The following OPA3 variants were observed in gnomAD, a reference collection of about 807,000 sequenced individuals.
OPA3 encodes optic atrophy 3 protein.
A neutral mutation model predicts 4.0 loss-of-function variants in OPA3; 6 were observed. That is an observed-to-expected ratio of 1.51 (90% CI 0.83 to 2.99). The LOEUF is 2.99. Ranked by LOEUF, OPA3 falls within the 30% of genes most tolerant of loss-of-function variation. OPA3 has a pLI of 0.00. For missense variants in OPA3, 235 were observed against 256.2 expected (o/e 0.92, Z 0.56); for synonymous variants, 105 against 117.1 (o/e 0.90, Z 0.67).
At chr19:45,580,153 CG>C (rs1969828817) in intron 1 of OPA3, among the ~76,000 whole-genome samples, 2 of 150,432 alleles carry the variant, frequency 1.3e-5, no homozygotes, top group African/African-American at 2.4e-5. Flanking sequence ...CGTGCCACCA[CG>C]CCCAGCTAAT....
At chr19:45,540,529 G>A (rs1483571179) in intron 1 of OPA3, among the ~76,000 whole-genome samples, 1 of 141,290 alleles carries the variant, frequency 7.1e-6, no homozygotes, top group South Asian at 2.3e-4. Context: ...CCACTGCACT[G>A]CAGCCTGGGT....
At chr19:45,545,710 C>CTTTT (rs991429583), downstream of OPA3, among the ~76,000 whole-genome samples, 3 of 129,532 alleles carry the variant, frequency 2.3e-5, no homozygotes, top group Non-Finnish European at 5.0e-5. Context: ...ACATGCTTTT[C>CTTTT]TTTTTTTTTT....
intron 1 of OPA3, among the ~76,000 whole-genome samples, chr19:45,531,755 G>A (rs1386403926): frequency 2.0e-5 from 3 of 152,280 alleles, no homozygotes; most frequent in Non-Finnish European, 4.4e-5. Context: ...CTGGTTCCAC[G>A]ATGTGTAAAG....
chr19:45,570,559 C>G (rs1262286482), intron 1 of OPA3, among the ~76,000 whole-genome samples: 1 of 152,084 alleles, frequency 6.6e-6, no homozygotes, highest in Non-Finnish European at 1.5e-5. Context: ...TAATGGCACA[C>G]CCCTGTAATC....
chr19:45,574,705 G>A (rs1389703355), intron 1 of OPA3, among the ~76,000 whole-genome samples: 1 of 152,206 alleles, frequency 6.6e-6, no homozygotes, highest in African/African-American at 2.4e-5. Flanking sequence ...ATCACACCCT[G>A]TGCAGTTCTT....
chr19:45,548,071 T>C lies in OPA3; in HGVS notation c.*5443A>G, dbSNP rs531507176. On this transcript the variant is annotated 3_prime_UTR_variant, in exon 2 of 2. Transcript: ENST00000263275. ...GTGAGGGCCTCTGCTTGCTCCCAAC[T>C]GGCTCCCAGCTACTAGAATGGAGCC... 1.0e-6 allele frequency: 1 copy of C among 966,890 alleles called. No homozygotes were observed. Among genetic ancestry groups the C allele is most frequent in the East Asian group, 1.1e-4 (1 of 8,734 alleles). The allele number at this position is 966,890 out of a possible 1,614,324, so 59.9% of individuals were successfully genotyped here.
At position 45,548,656 on chromosome 19, in the gene OPA3, T is replaced by TG. The variant is rs1280704569; in HGVS notation, c.*4857_*4858insC. On this transcript the variant is annotated 3_prime_UTR_variant, in exon 2 of 2. Coordinates refer to ENST00000263275, the MANE Select transcript of OPA3 (RefSeq NM_025136.4). Reference sequence around the variant, plus strand: ...ACTCAGTGAGTTTTGTGTTTTATTTTTTTTATTTTTTTTTTTTTTGCGGGA... The same window carrying TG: ...ACTCAGTGAGTTTTGTGTTTTATTTTGTTTTATTTTTTTTTTTTTTGCGGGA... The TG allele has an allele frequency of 7.9e-4, 518 of 655,252 alleles. 1 individual carries two copies. In the African/African-American group the frequency reaches 0.019, roughly 24 times the overall value. 40.6% of individuals were successfully genotyped at this position (655,252 alleles called of 1,614,324 possible).
chr19:45,576,794 T>C (rs1969775885), intron 1 of OPA3, among the ~76,000 whole-genome samples: 1 of 152,170 alleles, frequency 6.6e-6, no homozygotes, highest in Admixed American at 6.6e-5. Context: ...CACACTGACC[T>C]GACCTGCATA....
chr19:45,576,213 A>AC (rs1238567056), intron 1 of OPA3, among the ~76,000 whole-genome samples: 1 of 150,154 alleles, frequency 6.7e-6, no homozygotes, highest in East Asian at 2.0e-4. Context: ...ACCATGTGAG[A>AC]CCCCCTCTCA....
rs2122419087 is a variant in OPA3 at position 45,548,826 on chromosome 19, T to C, written c.*4688A>G. 1 of 664,906 alleles carries C rather than the reference T, an allele frequency of 1.5e-6. No individual in the cohort carries two copies. The highest frequency in any genetic ancestry group is 1.8e-6 in the Non-Finnish European group (1 of 542,918). The allele number at this position is 664,906 out of a possible 1,614,324, so 41.2% of individuals were successfully genotyped here. On this transcript the variant is annotated 3_prime_UTR_variant, in exon 2 of 2. Transcript: ENST00000263275. ...ATTTATTTATTTATTTATTTAGAGA[T>C]GAAGTCTCGCTCTGTCACCCAGGCT...
intron 1 of OPA3, among the ~76,000 whole-genome samples, chr19:45,561,940 G>A (rs1020272664): frequency 8.0e-5 from 12 of 149,446 alleles, no homozygotes; most frequent in Admixed American, 2.0e-4. Flanking sequence ...GCGACACTCC[G>A]TCTCAAAAAT....
downstream of OPA3, among the ~76,000 whole-genome samples, chr19:45,541,368 G>C (rs1339611124): frequency 6.6e-6 from 1 of 152,050 alleles, no homozygotes; most frequent in East Asian, 1.9e-4. Context: ...ACTATAGGGG[G>C]GTCTGGGAGG....
At chr19:45,582,166 A>AT (rs142724979) in intron 1 of OPA3, among the ~76,000 whole-genome samples, 5,267 of 142,382 alleles carry the variant, frequency 0.037, 118 homozygotes, top group Non-Finnish European at 0.056. Flanking sequence ...ATTTTATTTT[A>AT]TTTTTTTTTT....
chr19:45,538,988 C>T (rs867986179), intron 1 of OPA3, among the ~76,000 whole-genome samples: 6 of 152,248 alleles, frequency 3.9e-5, no homozygotes, highest in Middle Eastern at 6.8e-3. Flanking sequence ...ACAATCATGG[C>T]AGAAGGCAAA....
At chr19:45,534,995 T>C (rs1331465306) in intron 1 of OPA3, among the ~76,000 whole-genome samples, 2 of 152,184 alleles carry the variant, frequency 1.3e-5, no homozygotes, top group Non-Finnish European at 2.9e-5. Context: ...AGTTACTCAT[T>C]ACAGAGTTCC....
intron 1 of OPA3, among the ~76,000 whole-genome samples, chr19:45,559,618 G>A (rs1377077273): frequency 6.6e-6 from 1 of 151,446 alleles, no homozygotes; most frequent in African/African-American, 2.4e-5. Flanking sequence ...GACCAGGCTG[G>A]TCTCGAACTC....
chr19:45,581,128 G>A (rs563271648), intron 1 of OPA3, among the ~76,000 whole-genome samples: 4 of 152,226 alleles, frequency 2.6e-5, no homozygotes, highest in East Asian at 1.9e-4. Context: ...TTCCGGACAT[G>A]GGGACAAAAC....
chr19:45,559,734 ATTC>A (rs1189227957), intron 1 of OPA3, among the ~76,000 whole-genome samples: 2 of 151,716 alleles, frequency 1.3e-5, no homozygotes, highest in African/African-American at 4.8e-5. Context: ...TCTTTTCCCA[ATTC>A]TTCTTTTAGA....
intron 1 of OPA3, among the ~76,000 whole-genome samples, chr19:45,531,123 A>T (rs1054730386): frequency 1.3e-5 from 2 of 151,558 alleles, no homozygotes; most frequent in Non-Finnish European, 2.9e-5. Context: ...TAACCTATGT[A>T]ATTGCTTTGT....
Sources: allele counts gnomAD v4.1 joint callset (sites outside exome capture counted in the v4.1 genomes callset), GRCh38; gene constraint gnomAD v4.1.1; transcripts MANE v1.5; gene names NCBI Gene and HGNC (gene_info 2026-07-23, HGNC 2026-07-21).